The following SEMA3E variants were observed in gnomAD, a reference collection of about 807,000 sequenced individuals.
SEMA3E encodes semaphorin 3E.
A neutral mutation model predicts 93.6 loss-of-function variants in SEMA3E; 49 were observed. The ratio of observed to expected loss-of-function variants is 0.52; its 90% CI spans 0.42 to 0.66. SEMA3E has a LOEUF of 0.66. Ranked by LOEUF, SEMA3E falls within the 30% of genes least tolerant of loss-of-function variation. The pLI is 0.00. For missense variants in SEMA3E, 906 were observed against 964.8 expected, an observed-to-expected ratio of 0.94 and a Z score of 0.81; for synonymous variants, 363 against 330.7, an observed-to-expected ratio of 1.10 and a Z score of -1.06.
chr7:83,637,962 G>C (rs887368692), intron 1 of SEMA3E, among the ~76,000 whole-genome samples: 3 of 151,738 alleles, frequency 2.0e-5, no homozygotes, highest in African/African-American at 7.3e-5. Context: ...AAATGCACAT[G>C]GTCACTTTAC....
At chr7:83,449,289 A>G (rs1035189499) in intron 4 of SEMA3E, among the ~76,000 whole-genome samples, 22 of 151,870 alleles carry the variant, frequency 1.4e-4, no homozygotes, top group Non-Finnish European at 2.7e-4. Flanking sequence ...TGGTAGAGAC[A>G]GGGTTTCACC....
intron 1 of SEMA3E, among the ~76,000 whole-genome samples, chr7:83,547,050 C>G (rs888858178): frequency 1.3e-5 from 2 of 152,104 alleles, no homozygotes; most frequent in Admixed American, 6.6e-5. Context: ...AATAAGCTGT[C>G]TTTCCTAAAA....
rs1791118166 is a variant in SEMA3E, at chr7:83,524,695, G to A, written c.116-34421C>T. Among the ~76,000 whole-genome samples, 5 of 151,962 alleles carry A rather than the reference G, an allele frequency of 3.3e-5. No homozygotes were observed. The South Asian group carries it at 1.0e-3, about 32-fold the overall frequency. On this transcript the variant is annotated intron_variant, in intron 1 of 16. Coordinates refer to ENST00000643230, the MANE Select transcript of SEMA3E (RefSeq NM_012431.3). Reference sequence around the variant, plus strand: ...TCTACTTTTAATTCTGAGATTTAATGTTCTCTTTCTGTCTCTCTTTTTAAA... The same window carrying A: ...TCTACTTTTAATTCTGAGATTTAATATTCTCTTTCTGTCTCTCTTTTTAAA...
At chr7:83,553,998 T>C (rs1270912370) in intron 1 of SEMA3E, among the ~76,000 whole-genome samples, 2 of 152,112 alleles carry the variant, frequency 1.3e-5, no homozygotes, top group African/African-American at 4.8e-5. Flanking sequence ...TTTAAAAAAT[T>C]TGCTGAATTA....
intron 1 of SEMA3E, among the ~76,000 whole-genome samples, chr7:83,585,509 A>C (rs1337448941): frequency 6.6e-6 from 1 of 152,154 alleles, no homozygotes; most frequent in African/African-American, 2.4e-5. Flanking sequence ...TGAGTATTAA[A>C]GAGATAAAAT....
chr7:83,493,176 T>C (rs956906002), intron 1 of SEMA3E, among the ~76,000 whole-genome samples: 2 of 151,988 alleles, frequency 1.3e-5, no homozygotes, highest in African/African-American at 2.4e-5. Flanking sequence ...TGGAGTCCTT[T>C]AAAGTACAGT....
At chr7:83,624,248 G>A (rs1230251051) in intron 1 of SEMA3E, among the ~76,000 whole-genome samples, 1 of 152,034 alleles carries the variant, frequency 6.6e-6, no homozygotes, top group Non-Finnish European at 1.5e-5. Flanking sequence ...TCAGTAATGA[G>A]ATCACTGGGT....
chr7:83,599,853 C>T (rs1018778013), intron 1 of SEMA3E, among the ~76,000 whole-genome samples: 2 of 152,086 alleles, frequency 1.3e-5, no homozygotes, highest in African/African-American at 2.4e-5. Context: ...ATAAATAGTA[C>T]AATTATTTTT....
At chr7:83,470,864 T>TTTC (rs1789877695) in intron 2 of SEMA3E, among the ~76,000 whole-genome samples, 1 of 63,080 alleles carries the variant, frequency 1.6e-5, no homozygotes, top group Non-Finnish European at 4.4e-5. Context: ...CACATTTTCT[T>TTTC]TTTTTTTTTT....
At chr7:83,615,879 A>ATC (rs146088603) in intron 1 of SEMA3E, among the ~76,000 whole-genome samples, 12 of 151,412 alleles carry the variant, frequency 7.9e-5, no homozygotes, top group African/African-American at 1.2e-4. Flanking sequence ...CTGTTGTGGA[A>ATC]TCTCTCTCTC....
At chr7:83,392,481 GTTA>G (rs1562760023) in intron 14 of SEMA3E, 71 bp downstream of exon 14, 1 of 1,090,464 alleles carries the variant, frequency 9.2e-7, no homozygotes, top group Non-Finnish European at 1.3e-6. Flanking sequence ...AAAACTTCAA[GTTA>G]AAAAAAAAAA....
At chr7:83,551,264 G>A (rs1791759208) in intron 1 of SEMA3E, among the ~76,000 whole-genome samples, 1 of 152,044 alleles carries the variant, frequency 6.6e-6, no homozygotes, top group Non-Finnish European at 1.5e-5. Context: ...TGGCTTTATG[G>A]ACTTACGAAT....
chr7:83,589,652 T>C (rs990480815), intron 1 of SEMA3E, among the ~76,000 whole-genome samples: 2 of 152,158 alleles, frequency 1.3e-5, no homozygotes, highest in African/African-American at 4.8e-5. Flanking sequence ...TTTAACCCAA[T>C]ATATCCAAAA....
Position 83,450,517 on chromosome 7 carries a change from G to GC in SEMA3E, c.456+15964_456+15965insG, listed in dbSNP as rs537432245. On this transcript the variant is annotated intron_variant, in intron 4 of 16. Coordinates refer to ENST00000643230, the MANE Select transcript of SEMA3E (RefSeq NM_012431.3). ...GCTAACCACACAAAAAACACTTGAT[G>GC]TATGATTCCATTACATAAAATTCTA... Among the ~76,000 whole-genome samples the GC allele has an allele frequency of 1.0e-2, 1,519 of 152,242 alleles. 14 individuals are homozygous for GC. The highest frequency in any genetic ancestry group is 0.014 in the Admixed American group (208 of 15,290).
At chr7:83,417,017 G>GGA (rs368006308) in intron 5 of SEMA3E, among the ~76,000 whole-genome samples, 8,457 of 96,138 alleles carry the variant, frequency 0.088, 427 homozygotes, top group African/African-American at 0.2. Context: ...ACACACACAG[G>GGA]GAGAGAGAGA....
intron 14 of SEMA3E, among the ~76,000 whole-genome samples, chr7:83,387,995 A>G (rs1787917709): frequency 6.8e-6 from 1 of 147,264 alleles, no homozygotes; most frequent in South Asian, 2.1e-4. Flanking sequence ...TATTATGTAT[A>G]TAATATAATG....
At chr7:83,408,916 T>C (rs570315927) in intron 5 of SEMA3E, among the ~76,000 whole-genome samples, 1 of 152,214 alleles carries the variant, frequency 6.6e-6, no homozygotes, top group East Asian at 1.9e-4. Flanking sequence ...ACAGGTTTTA[T>C]ATGTCAGTCA....
chr7:83,604,144 A>G (rs1278435249), intron 1 of SEMA3E, among the ~76,000 whole-genome samples: 1 of 152,142 alleles, frequency 6.6e-6, no homozygotes, highest in Non-Finnish European at 1.5e-5. Context: ...AACAGTTACA[A>G]TAAAGTACAT....
intron 1 of SEMA3E, among the ~76,000 whole-genome samples, chr7:83,644,311 T>C (rs551418588): frequency 7.2e-4 from 109 of 152,028 alleles, no homozygotes; most frequent in Non-Finnish European, 1.3e-3. Context: ...TTGGAGTGAG[T>C]GCAATCTATC....
Sources: allele counts gnomAD v4.1 joint callset (sites outside exome capture counted in the v4.1 genomes callset), GRCh38; gene constraint gnomAD v4.1.1; transcripts MANE v1.5; gene names NCBI Gene and HGNC (gene_info 2026-07-23, HGNC 2026-07-21).